The following CHD1 variants were observed in gnomAD, a reference collection of about 807,000 sequenced individuals.
CHD1 encodes the protein chromodomain helicase DNA binding protein 1.
CHD1 carries 36 observed loss-of-function variants against 224.2 expected under a neutral mutation model. The ratio of observed to expected loss-of-function variants is 0.16; its 90% CI spans 0.12 to 0.21. CHD1 has a LOEUF of 0.21. Among genes scored for constraint, CHD1 ranks in the 10% least tolerant of loss-of-function variants. The probability of loss-of-function intolerance (pLI) is 1.00; values close to 1 mark genes in which losing one functional copy is unlikely to be tolerated. For missense variants in CHD1, 1,378 were observed against 1,994.8 expected, an observed-to-expected ratio of 0.69 and a Z score of 5.89; for synonymous variants, 668 against 658.3, an observed-to-expected ratio of 1.01 and a Z score of -0.23.
rs375839054 is a variant in CHD1, at chr5:98,884,721, C to CTTTTT, written c.2568+852_2568+856dup. Reference sequence around the variant, plus strand: ...TGTTGTTTTTGGGTTTTTTCTTTCCCTTTTTTTTTTTTTGAGACAGAGTCT... The same window carrying CTTTTT: ...TGTTGTTTTTGGGTTTTTTCTTTCCCTTTTTTTTTTTTTTTTTTGAGACAGAGTCT... On this transcript the variant is annotated intron_variant, in intron 18 of 35. Coordinates refer to ENST00000614616, the MANE Select transcript of CHD1 (RefSeq NM_001270.4). Among the ~76,000 whole-genome samples, 965 of 142,236 alleles carry CTTTTT rather than the reference C, an allele frequency of 6.8e-3. 8 individuals are homozygous for CTTTTT. The highest frequency in any genetic ancestry group is 0.015 in the South Asian group (68 of 4,506). The allele number at this position is 142,236 out of a possible 152,430, so 93.3% of individuals were successfully genotyped here. A position where few individuals can be genotyped will look rare whatever the true frequency, so the allele number is the denominator to read the frequency against.
rs769866506 is a variant in CHD1, at chr5:98,893,436, T to C, written c.1971A>G (p.Leu657=). Residue 657 remains leucine (L), a synonymous_variant, in exon 14 of 36, where the codon CTA becomes CTG. Transcript: ENST00000614616. The stretch of plus-strand genomic sequence containing the variant: ...CTTACTTTTCTGGCATAATGAAATG[T>C]AGCAAAGACCAGAGCTCTTTGAGGG... ...QNSLKELWSL[L]HFIMPEKFSS... 2 of 1,595,342 alleles carry C rather than the reference T, an allele frequency of 1.3e-6. No homozygotes were observed. The highest frequency in any genetic ancestry group is 8.5e-7 in the Non-Finnish European group (1 of 1,173,112).
chr5:98,925,130 G>GT (rs746820372), intron 2 of CHD1, among the ~76,000 whole-genome samples: 14 of 151,678 alleles, frequency 9.2e-5, no homozygotes, highest in Non-Finnish European at 1.3e-4. Context: ...TGTAATTAAT[G>GT]TTTTTTTTAT....
At chr5:98,891,787 G>C (rs1023984062) in intron 15 of CHD1, among the ~76,000 whole-genome samples, 2 of 152,142 alleles carry the variant, frequency 1.3e-5, no homozygotes, top group African/African-American at 2.4e-5. Flanking sequence ...CTCCAGCCTG[G>C]AGTACAAAGG....
rs1444218984 is a variant in CHD1, at chr5:98,892,473, T to A, written c.2180+52A>T. On this transcript the variant is annotated intron_variant, in intron 15 of 35. Coordinates refer to ENST00000614616, the MANE Select transcript of CHD1 (RefSeq NM_001270.4). ...GGGCACCAAAAGCAGGACACAGACA[T>A]GGAAGGTTTTCAGAATTAGAAGTTC... 1.5e-5 allele frequency: 21 copies of A among 1,365,130 alleles called. No individual in the cohort carries two copies. In the South Asian group the frequency reaches 2.9e-4, roughly 19 times the overall value. 84.6% of individuals were successfully genotyped at this position (1,365,130 alleles called of 1,614,324 possible).
chr5:98,859,717 C>T (rs1250306971), intron 33 of CHD1, among the ~76,000 whole-genome samples: 1 of 152,056 alleles, frequency 6.6e-6, no homozygotes, highest in Non-Finnish European at 1.5e-5. Flanking sequence ...GCAAGTTTCT[C>T]TATAAAGTTA....
intron 18 of CHD1, among the ~76,000 whole-genome samples, chr5:98,885,086 T>G (rs1176303680): frequency 6.6e-6 from 1 of 152,034 alleles, no homozygotes; most frequent in Admixed American, 6.5e-5. Flanking sequence ...GAAACATTAT[T>G]GATAATAAAG....
chr5:98,880,046 G>GA (rs1432267237), intron 22 of CHD1, among the ~76,000 whole-genome samples: 1 of 152,152 alleles, frequency 6.6e-6, no homozygotes, highest in African/African-American at 2.4e-5. Flanking sequence ...ATAATCTGCA[G>GA]AAATTCTCAG....
intron 2 of CHD1, 57 bp from the exon 3 acceptor site, chr5:98,905,155 T>G (rs910861606): frequency 5.0e-6 from 8 of 1,599,308 alleles, no homozygotes; most frequent in Non-Finnish European, 6.8e-6. Context: ...TAATTTTTCT[T>G]AGACGTCAGC....
intron 18 of CHD1, among the ~76,000 whole-genome samples, chr5:98,884,043 T>C (rs1750445219): frequency 1.3e-5 from 2 of 148,504 alleles, no homozygotes; most frequent in African/African-American, 4.9e-5. Context: ...GGTTTCACCA[T>C]GTTGGCCAGG....
chr5:98,898,512 G>C, intron 9 of CHD1, 78 bp from the exon 10 acceptor site: 1 of 1,316,066 alleles, frequency 7.6e-7, no homozygotes, highest in Non-Finnish European at 1.0e-6. Flanking sequence ...TCTTAGTAAA[G>C]GCTACACAAG....
chr5:98,898,522 GT>G, intron 9 of CHD1, 88 bp from the exon 10 acceptor site: 1 of 1,284,982 alleles, frequency 7.8e-7, no homozygotes, highest in Non-Finnish European at 1.0e-6. Context: ...GGCTACACAA[GT>G]AAAATTTAGC....
chr5:98,891,382 T>C (rs1272622008), intron 15 of CHD1, among the ~76,000 whole-genome samples: 1 of 152,118 alleles, frequency 6.6e-6, no homozygotes, highest in Non-Finnish European at 1.5e-5. Context: ...CAGGTGATAC[T>C]AGTATTTTTA....
intron 21 of CHD1, 35 bp downstream of exon 21, chr5:98,881,244 A>C: frequency 2.8e-6 from 3 of 1,074,740 alleles, no homozygotes; most frequent in Non-Finnish European, 2.6e-6. Flanking sequence ...ACATATTCTG[A>C]GGCAGGCCTT....
At chr5:98,885,676 C>G (rs1367907453) in intron 17 of CHD1, 27 bp from the exon 18 acceptor site, 1 of 1,256,088 alleles carries the variant, frequency 8.0e-7, no homozygotes, top group Non-Finnish European at 1.1e-6. Context: ...TAAAATACTG[C>G]ATAAACAGAA....
At chr5:98,865,271 A>T (rs370422771) in intron 31 of CHD1, among the ~76,000 whole-genome samples, 1 of 152,212 alleles carries the variant, frequency 6.6e-6, no homozygotes, top group Non-Finnish European at 1.5e-5. Flanking sequence ...AAGTCAGAGA[A>T]GTGGCCGGCA....
At chr5:98,918,214 C>A (rs1479689382) in intron 2 of CHD1, among the ~76,000 whole-genome samples, 2 of 151,700 alleles carry the variant, frequency 1.3e-5, no homozygotes, top group East Asian at 3.9e-4. Flanking sequence ...CCCGCCAACA[C>A]GCCCAGCTAA....
intron 15 of CHD1, 39 bp from the exon 16 acceptor site, chr5:98,889,277 C>A: frequency 1.4e-6 from 2 of 1,405,928 alleles, no homozygotes; most frequent in Non-Finnish European, 1.9e-6. Flanking sequence ...TTTAGCAGAA[C>A]AATTACCAGG....
At chr5:98,867,264 G>A (rs563456530) in intron 31 of CHD1, among the ~76,000 whole-genome samples, 20 of 152,082 alleles carry the variant, frequency 1.3e-4, no homozygotes, top group Non-Finnish European at 2.5e-4. Context: ...TTTGAGGAAC[G>A]CAAAGGCATG....
rs1753682406 is a variant in CHD1 at position 98,928,740 on chromosome 5, T to C, written c.-350A>G. 1 of 153,492 alleles carries C rather than the reference T, an allele frequency of 6.5e-6. No homozygotes were observed. The highest frequency in any genetic ancestry group is 2.4e-5 in the African/African-American group (1 of 41,258). 9.5% of individuals were successfully genotyped at this position (153,492 alleles called of 1,614,324 possible). A position where few individuals can be genotyped will look rare whatever the true frequency, so the allele number is the denominator to read the frequency against. On this transcript the variant is annotated 5_prime_UTR_variant, in exon 1 of 36. Transcript: ENST00000614616. Reference sequence around the variant, plus strand: ...CACCAACGCGCGATCCCCTGCGGAGTGGAGCTAACAATTCATTATTGAAGC... The same window carrying C: ...CACCAACGCGCGATCCCCTGCGGAGCGGAGCTAACAATTCATTATTGAAGC...
Sources: gnomAD v4.1 joint callset for allele counts (sites outside exome capture counted in the v4.1 genomes callset) on GRCh38, gnomAD v4.1.1 for gene constraint, MANE v1.5 for transcripts, NCBI Gene and HGNC (gene_info 2026-07-23, HGNC 2026-07-21) for gene names.